The following MARCHF1 variants were observed in gnomAD, a reference collection of about 807,000 sequenced individuals.
MARCHF1 encodes membrane associated ring-CH-type finger 1, also known as E3 ubiquitin-protein ligase MARCHF1.
A neutral mutation model predicts 54.2 loss-of-function variants in MARCHF1; 40 were observed. The ratio of observed to expected loss-of-function variants is 0.74; its 90% confidence interval spans 0.57 to 0.96. The LOEUF is 0.96. Among genes scored for constraint, MARCHF1 ranks in the 40% least tolerant of loss-of-function variants. The probability of loss-of-function intolerance (pLI) is 0.00; values close to 1 mark genes in which losing one functional copy is unlikely to be tolerated. For missense variants in MARCHF1, 586 were observed against 656.5 expected, an observed-to-expected ratio of 0.89 and a Z score of 1.17; for synonymous variants, 236 against 236.3, an observed-to-expected ratio of 1.00 and a Z score of 0.01.
intron 1 of MARCHF1, among the ~76,000 whole-genome samples, chr4:164,220,239 T>C (rs1199780304): frequency 2.7e-5 from 4 of 149,228 alleles, no homozygotes; most frequent in East Asian, 3.9e-4. Context: ...CATACATATA[T>C]ATACACACAT....
At chr4:163,780,773 T>A (rs1460923041) in intron 4 of MARCHF1, among the ~76,000 whole-genome samples, 1 of 152,248 alleles carries the variant, frequency 6.6e-6, no homozygotes, top group East Asian at 1.9e-4. Flanking sequence ...GAACCATCTC[T>A]TCGGTGGGAA....
intron 3 of MARCHF1, among the ~76,000 whole-genome samples, chr4:163,873,052 A>AC (rs1750209628): frequency 1.5e-5 from 2 of 132,226 alleles, no homozygotes; most frequent in Non-Finnish European, 3.3e-5. Flanking sequence ...TCAAAAAAAA[A>AC]ACAAACAAAC....
chr4:164,211,948 G>A (rs1160411599), intron 1 of MARCHF1, among the ~76,000 whole-genome samples: 2 of 152,214 alleles, frequency 1.3e-5, no homozygotes, highest in South Asian at 2.1e-4. Context: ...ATTGAAAAGG[G>A]AGAGATAAAG....
intron 5 of MARCHF1, among the ~76,000 whole-genome samples, chr4:163,691,290 C>A (rs1301115027): frequency 6.6e-6 from 1 of 152,170 alleles, no homozygotes; most frequent in Non-Finnish European, 1.5e-5. Context: ...GGGTTAGAGA[C>A]CATGTTAGGC....
At chr4:164,289,532 G>A (rs1734234486) in intron 1 of MARCHF1, among the ~76,000 whole-genome samples, 1 of 150,766 alleles carries the variant, frequency 6.6e-6, no homozygotes, top group Non-Finnish European at 1.5e-5. Flanking sequence ...AATTAAAGGA[G>A]GTGAGTTGTC....
rs758756355 is a variant in MARCHF1, at chr4:163,585,851, G to A, written c.1089C>T (p.His363=). Residue 363 remains histidine, a synonymous_variant, in exon 8 of 10, where the codon CAC becomes CAT. Transcript: ENST00000514618. ...TTATCCACTGGTGGAGGCAGGACTG[G>A]TGGACAAAGCGCAGTGTCCCAGTGC... is the stretch of plus-strand genomic sequence containing the variant. ...CRCTGTLRFV[H]QSCLHQWIKS... 20 of 1,613,952 alleles carry A rather than the reference G, an allele frequency of 1.2e-5. No individual in the cohort carries two copies. In the East Asian group the frequency reaches 4.5e-4, roughly 36 times the overall value.
At chr4:163,726,155 A>G (rs1334206863) in intron 4 of MARCHF1, among the ~76,000 whole-genome samples, 2 of 152,156 alleles carry the variant, frequency 1.3e-5, no homozygotes, top group African/African-American at 4.8e-5. Flanking sequence ...TCTGGAGTTC[A>G]TTTGTGGTGT....
intron 1 of MARCHF1, among the ~76,000 whole-genome samples, chr4:164,322,385 C>G (rs954647975): frequency 1.3e-5 from 2 of 151,712 alleles, no homozygotes; most frequent in Non-Finnish European, 2.9e-5. Flanking sequence ...AGTGTGATTG[C>G]TGGATCACAT....
intron 9 of MARCHF1, 36 bp from the exon 10 acceptor site, chr4:163,529,082 T>C (rs1738252591): frequency 6.5e-7 from 1 of 1,535,878 alleles, no homozygotes; most frequent in Admixed American, 2.0e-5. Flanking sequence ...TATCACCAAG[T>C]TGTCCTCAGT....
At position 163,525,093 on chromosome 4, in the gene MARCHF1, A is replaced by G. The variant is rs1738050762; in HGVS notation, c.*3655T>C. 1 of 152,188 alleles carries G rather than the reference A, an allele frequency of 6.6e-6. No homozygotes were observed. The highest frequency in any genetic ancestry group is 2.4e-5 in the African/African-American group (1 of 41,458). The allele number at this position is 152,188 out of a possible 1,614,324, so 9.4% of individuals were successfully genotyped here. On this transcript the variant is annotated 3_prime_UTR_variant, in exon 10 of 10. Coordinates refer to ENST00000514618, the MANE Select transcript of MARCHF1 (RefSeq NM_001394959.1). The stretch of plus-strand genomic sequence containing the variant: ...GTATTATATAACAACTATAATAATA[A>G]TGATACTAATAACTTTTAAGAGCTG...
intron 2 of MARCHF1, among the ~76,000 whole-genome samples, chr4:163,995,168 C>T (rs892930443): frequency 2.0e-5 from 3 of 152,028 alleles, no homozygotes; most frequent in Non-Finnish European, 4.4e-5. Flanking sequence ...AATTGGGGTT[C>T]CCACAACCCC....
chr4:163,989,107 A>G (rs544357444), intron 2 of MARCHF1, among the ~76,000 whole-genome samples: 2 of 152,188 alleles, frequency 1.3e-5, no homozygotes, highest in East Asian at 3.9e-4. Context: ...GAGACACTGC[A>G]TCTTGCTGAC....
At chr4:164,172,094 C>T (rs1357259446) in intron 1 of MARCHF1, among the ~76,000 whole-genome samples, 1 of 152,152 alleles carries the variant, frequency 6.6e-6, no homozygotes, top group Non-Finnish European at 1.5e-5. Flanking sequence ...TCTATTTACC[C>T]ATCCTCAGAT....
intron 5 of MARCHF1, among the ~76,000 whole-genome samples, chr4:163,614,569 C>A (rs916749762): frequency 6.6e-6 from 1 of 152,004 alleles, no homozygotes; most frequent in East Asian, 1.9e-4. Context: ...CATATTGGAA[C>A]TATGTAATCA....
intron 8 of MARCHF1, among the ~76,000 whole-genome samples, chr4:163,555,552 C>T (rs1458983467): frequency 6.6e-6 from 1 of 151,902 alleles, no homozygotes; most frequent in Non-Finnish European, 1.5e-5. Context: ...TCTGTTTTCT[C>T]TCGGAGGTTA....
intron 2 of MARCHF1, among the ~76,000 whole-genome samples, chr4:164,024,804 T>C (rs1051949619): frequency 2.0e-5 from 3 of 152,010 alleles, no homozygotes; most frequent in African/African-American, 7.2e-5. Flanking sequence ...ACTGGATAAA[T>C]AGGCAAGACC....
rs191345758 is a variant in MARCHF1, at chr4:164,241,881, A to G, written c.-322-130219T>C. ...AAGGGGTGACGGATGGCACCTGGAAAATCAGGTCACTCCCACCCGAATACT... is the reference window on the plus strand; with the variant it reads ...AAGGGGTGACGGATGGCACCTGGAAGATCAGGTCACTCCCACCCGAATACT... On this transcript the variant is annotated intron_variant, in intron 1 of 9. Transcript: ENST00000514618. Among the ~76,000 whole-genome samples, 429 of 152,290 alleles carry G rather than the reference A, an allele frequency of 2.8e-3. 2 individuals are homozygous for G. The highest frequency in any genetic ancestry group is 9.6e-3 in the African/African-American group (400 of 41,564).
At chr4:164,190,333 G>A in intron 1 of MARCHF1, 5 of 666,590 alleles carry the variant, frequency 7.5e-6, no homozygotes. Context: ...AAGATGAGTT[G>A]TAGACACAGA....
At chr4:163,750,513 AAAATAAAT>A (rs34968782) in intron 4 of MARCHF1, among the ~76,000 whole-genome samples, 6,080 of 142,988 alleles carry the variant, frequency 0.043, 168 homozygotes, top group East Asian at 0.083. Flanking sequence ...TCTGTCTCAA[AAAATAAAT>A]AAATAAATAA....
Sources: gnomAD v4.1 joint callset for allele counts (sites outside exome capture counted in the v4.1 genomes callset) on GRCh38, gnomAD v4.1.1 for gene constraint, MANE v1.5 for transcripts, NCBI Gene and HGNC (gene_info 2026-07-23, HGNC 2026-07-21) for gene names.